Variants in HIP1 observed in about 807,000 individuals in gnomAD.
HIP1 encodes huntingtin interacting protein 1.
HIP1 carries 65 observed loss-of-function variants against 147.6 expected under a neutral mutation model. The observed-to-expected ratio is 0.44, with a 90% confidence interval of 0.36 to 0.54. The LOEUF (loss-of-function observed/expected upper bound fraction) is 0.54. Ranked by LOEUF, HIP1 falls within the 20% of genes least tolerant of loss-of-function variation. The probability of loss-of-function intolerance (pLI) is 0.00; values close to 1 mark genes in which losing one functional copy is unlikely to be tolerated. For missense variants in HIP1, 1,061 were observed against 1,299.6 expected, an observed-to-expected ratio of 0.82 and a Z score of 2.82; for synonymous variants, 479 against 504.0, an observed-to-expected ratio of 0.95 and a Z score of 0.67.
intron 1 of HIP1, among the ~76,000 whole-genome samples, chr7:75,602,303 C>CT (rs67019261): frequency 0.042 from 3,249 of 77,248 alleles, 571 homozygotes; most frequent in African/African-American, 0.09. Flanking sequence ...ACCTGGCCAG[C>CT]TTTTTTTTTT....
intron 14 of HIP1, among the ~76,000 whole-genome samples, chr7:75,559,482 G>C (rs587708859): frequency 6.6e-6 from 1 of 152,300 alleles, no homozygotes; most frequent in South Asian, 2.1e-4. Context: ...CCACTGCCCA[G>C]GGCAAGCACT....
chr7:75,570,343 G>A (rs1554496349), intron 8 of HIP1, among the ~76,000 whole-genome samples: 1 of 150,420 alleles, frequency 6.6e-6, no homozygotes, highest in Non-Finnish European at 1.5e-5. Context: ...CCAGGCTGGA[G>A]TGCAGTGGCA....
At chr7:75,620,343 G>A (rs974494253) in intron 1 of HIP1, among the ~76,000 whole-genome samples, 2 of 145,202 alleles carry the variant, frequency 1.4e-5, no homozygotes, top group Admixed American at 7.3e-5. Context: ...CCAATATTGC[G>A]CCACTGTACA....
At chr7:75,557,338 C>T (rs373255128) in intron 16 of HIP1, among the ~76,000 whole-genome samples, 1 of 150,132 alleles carries the variant, frequency 6.7e-6, no homozygotes, top group South Asian at 2.1e-4. Flanking sequence ...AACAAACAAA[C>T]AAAACAAACA....
chr7:75,605,069 T>A (rs1797171769), intron 1 of HIP1, among the ~76,000 whole-genome samples: 1 of 152,118 alleles, frequency 6.6e-6, no homozygotes, highest in Non-Finnish European at 1.5e-5. Flanking sequence ...AAAGGAGGGA[T>A]AACTCGGCCC....
chr7:75,704,339 G>T (rs1302382054), intron 1 of HIP1, among the ~76,000 whole-genome samples: 1 of 151,302 alleles, frequency 6.6e-6, no homozygotes, highest in Non-Finnish European at 1.5e-5. Context: ...TCCGCCTCCC[G>T]GTTCAAGCGA....
chr7:75,628,878 T>C (rs1033588420), intron 1 of HIP1, among the ~76,000 whole-genome samples: 3 of 152,174 alleles, frequency 2.0e-5, no homozygotes, highest in Non-Finnish European at 2.9e-5. Context: ...GTCTGCTGAC[T>C]CAGGGGACAA....
In HIP1 at chr7:75,536,905, G is replaced by T. The variant is rs1794102512; in HGVS notation, c.*1267C>A. On this transcript the variant is annotated 3_prime_UTR_variant, in exon 31 of 31. Transcript: ENST00000336926. ...AGGGAGGTTAGTAATAAATACTAAG[G>T]GTAGCAAACCAAGTATAGGGTTCTT... 1.7e-5 allele frequency: 4 copies of T among 231,026 alleles called. No individual in the cohort carries two copies. The East Asian group carries it at 1.8e-4, about 11-fold the overall frequency. The allele number at this position is 231,026 out of a possible 1,614,324, so 14.3% of individuals were successfully genotyped here. A position where few individuals can be genotyped will look rare whatever the true frequency, so the allele number is the denominator to read the frequency against.
chr7:75,662,177 T>C (rs1554513724), intron 1 of HIP1, among the ~76,000 whole-genome samples: 1 of 151,910 alleles, frequency 6.6e-6, no homozygotes, highest in Non-Finnish European at 1.5e-5. Context: ...GTCTCCACTA[T>C]TTTTGTTTGT....
intron 1 of HIP1, 58 bp downstream of exon 1, chr7:75,738,742 TC>T: frequency 6.4e-7 from 1 of 1,565,580 alleles, no homozygotes; most frequent in Non-Finnish European, 8.6e-7. Context: ...TCAAAGCCCC[TC>T]CCGGACACCG....
chr7:75,548,861 G>A (rs782436530), intron 23 of HIP1, 30 bp downstream of exon 23: 9 of 1,496,358 alleles, frequency 6.0e-6, no homozygotes, highest in South Asian at 5.6e-5. Context: ...CAAAGGCATC[G>A]TTTCAGGAGA....
In HIP1 at chr7:75,563,084, G is replaced by A. The variant is rs201140432; in HGVS notation, c.880-9C>T. On this transcript the variant is annotated splice_polypyrimidine_tract_variant and intron_variant, in intron 10 of 30. Coordinates refer to ENST00000336926, the MANE Select transcript of HIP1 (RefSeq NM_005338.7). ...AGGAAGTTGGGTGGGTTCTGAAGAC[G>A]GAGACACATCCTCAAATAGTGCTTG... 105 of 1,614,140 alleles carry A rather than the reference G, an allele frequency of 6.5e-5. No individual in the cohort carries two copies. The highest frequency in any genetic ancestry group is 4.4e-4 in the South Asian group (40 of 91,084).
chr7:75,657,632 G>T (rs1799183874), intron 1 of HIP1, among the ~76,000 whole-genome samples: 1 of 151,498 alleles, frequency 6.6e-6, no homozygotes, highest in Non-Finnish European at 1.5e-5. Context: ...GCATTAAACA[G>T]AAAAGAAACA....
At chr7:75,623,368 T>C (rs1436146184) in intron 1 of HIP1, among the ~76,000 whole-genome samples, 5 of 152,066 alleles carry the variant, frequency 3.3e-5, no homozygotes, top group African/African-American at 1.2e-4. Context: ...GCTCAAGGTT[T>C]TCTTGTTTCC....
At chr7:75,709,719 T>G (rs76837817) in intron 1 of HIP1, among the ~76,000 whole-genome samples, 417 of 152,310 alleles carry the variant, frequency 2.7e-3, no homozygotes, top group African/African-American at 9.3e-3. Flanking sequence ...AGTACTATGT[T>G]GAATATAAGT....
Position 75,738,869 on chromosome 7 carries a change from C to T in HIP1, c.52G>A (p.Val18Met). The T allele has an allele frequency of 6.3e-7, 1 of 1,578,102 alleles. No homozygotes were observed. Among genetic ancestry groups the T allele is most frequent in the South Asian group, 1.2e-5 (1 of 86,368 alleles). Residue 18 changes from valine (V) to methionine (M), a missense_variant, in exon 1 of 31, where the codon GTG becomes ATG. Physicochemically the swap from Val to Met is conservative, Grantham distance 21. This residue lies in a region of HIP1 where 225 missense variants were observed against 292.9 expected (regional missense o/e 0.77). Coordinates refer to ENST00000336926, the MANE Select transcript of HIP1 (RefSeq NM_005338.7). Reference protein sequence around the residue: ...MKQVPNPLPKVLSRRGVGAGL... With the variant: ...MKQVPNPLPKMLSRRGVGAGL... ...GCGCCGACCCCGCGCCGGCTCAGCA[C>T]CTTGGGCAGTGGGTTGGGCACCTGC... is the stretch of plus-strand genomic sequence containing the variant.
intron 1 of HIP1, among the ~76,000 whole-genome samples, chr7:75,668,311 C>G (rs1312202432): frequency 2.0e-5 from 3 of 152,108 alleles, no homozygotes; most frequent in Non-Finnish European, 4.4e-5. Context: ...CTCAGGACTT[C>G]CCAACTTTTG....
intron 1 of HIP1, among the ~76,000 whole-genome samples, chr7:75,693,283 GTTGTT>G (rs1433768828): frequency 6.6e-6 from 1 of 151,860 alleles, no homozygotes; most frequent in Non-Finnish European, 1.5e-5. Flanking sequence ...TAACTCCTTT[GTTGTT>G]TTATTTGTAC....
At chr7:75,682,438 T>TC (rs1288342567) in intron 1 of HIP1, among the ~76,000 whole-genome samples, 3 of 151,678 alleles carry the variant, frequency 2.0e-5, no homozygotes, top group African/African-American at 7.3e-5. Flanking sequence ...TTTTTTTTTT[T>TC]TTCTAAAGGT....
Sources: allele counts gnomAD v4.1 joint callset (sites outside exome capture counted in the v4.1 genomes callset), GRCh38; gene constraint gnomAD v4.1.1; regional missense constraint gnomAD v4.1.1; transcripts MANE v1.5; gene names NCBI Gene and HGNC (gene_info 2026-07-23, HGNC 2026-07-21).